PDE1C: variants seen among roughly 807,000 people sequenced by gnomAD.
PDE1C encodes phosphodiesterase 1C.
PDE1C carries 62 observed loss-of-function variants against 93.1 expected under a neutral mutation model. The ratio of observed to expected loss-of-function variants is 0.67; its 90% CI spans 0.54 to 0.82. PDE1C has a LOEUF of 0.82. Among genes scored for constraint, PDE1C ranks in the 40% least tolerant of loss-of-function variants. The probability of loss-of-function intolerance (pLI) is 0.00; values close to 1 mark genes in which losing one functional copy is unlikely to be tolerated. For synonymous variants in PDE1C, 325 were observed against 310.1 expected (o/e 1.05, Z -0.50); for missense variants, 742 against 884.6 (o/e 0.84, Z 2.04).
At chr7:31,706,727 C>T in the PDE1C span, among the ~76,000 whole-genome samples, 5 of 152,196 alleles carry the variant, frequency 3.3e-5, no homozygotes, top group Admixed American at 6.5e-5. Flanking sequence ...GAAAAGCCGA[C>T]ATTTACTTGC....
At chr7:31,974,991 T>A (rs1180951284) in intron 2 of PDE1C, among the ~76,000 whole-genome samples, 1 of 152,212 alleles carries the variant, frequency 6.6e-6, no homozygotes, top group Non-Finnish European at 1.5e-5. Context: ...ACAAAATCCT[T>A]TATGATACAG....
chr7:32,373,673 C>T (rs1784370456), intron 1 of PDE1C, among the ~76,000 whole-genome samples: 1 of 152,130 alleles, frequency 6.6e-6, no homozygotes, highest in African/African-American at 2.4e-5. Context: ...CCATAAAATT[C>T]TTTGACATTC....
At chr7:32,360,395 T>C (rs1784114672) in intron 1 of PDE1C, among the ~76,000 whole-genome samples, 1 of 152,238 alleles carries the variant, frequency 6.6e-6, no homozygotes, top group Non-Finnish European at 1.5e-5. Context: ...AAAACACAAG[T>C]GAGGGCAGTA....
chr7:32,320,436 C>G (rs1283178389), intron 1 of PDE1C, among the ~76,000 whole-genome samples: 1 of 152,074 alleles, frequency 6.6e-6, no homozygotes. Context: ...ATGGGGTGAT[C>G]TGTGCGGCAA....
At chr7:32,007,375 A>T (rs906813197) in intron 2 of PDE1C, among the ~76,000 whole-genome samples, 2 of 152,206 alleles carry the variant, frequency 1.3e-5, no homozygotes, top group African/African-American at 2.4e-5. Context: ...GCAAAGCTTC[A>T]GCCCACTGAC....
At chr7:31,632,949 C>T in the PDE1C span, among the ~76,000 whole-genome samples, 8 of 151,862 alleles carry the variant, frequency 5.3e-5, no homozygotes, top group African/African-American at 1.7e-4. Context: ...TGCTGTGGCG[C>T]GATCTTGGCT....
chr7:32,425,719 A>G (rs1319879395), intron 1 of PDE1C, among the ~76,000 whole-genome samples: 1 of 152,190 alleles, frequency 6.6e-6, no homozygotes, highest in East Asian at 1.9e-4. Flanking sequence ...ACATGGGTGG[A>G]TTGCTTGAGC....
chr7:32,416,762 G>T (rs950743389), intron 1 of PDE1C, among the ~76,000 whole-genome samples: 33 of 151,990 alleles, frequency 2.2e-4, no homozygotes, highest in African/African-American at 8.0e-4. Flanking sequence ...CACATCCTTT[G>T]GAAAAAGTGA....
chr7:31,651,033 C>T, the PDE1C span: 3 of 1,226,218 alleles, frequency 2.4e-6, no homozygotes, highest in African/African-American at 3.1e-5. Context: ...AGCAGTAGGG[C>T]CTGTTTGCGA....
intron 2 of PDE1C, among the ~76,000 whole-genome samples, chr7:31,907,312 A>G (rs1800723995): frequency 6.6e-6 from 1 of 152,198 alleles, no homozygotes; most frequent in Non-Finnish European, 1.5e-5. Flanking sequence ...ATCAACTCTG[A>G]GTTATAACTC....
At chr7:32,155,370 G>C (rs1261671664) in intron 3 of PDE1C, among the ~76,000 whole-genome samples, 1 of 152,316 alleles carries the variant, frequency 6.6e-6, no homozygotes, top group Non-Finnish European at 1.5e-5. Flanking sequence ...TTAACACATA[G>C]AGCTTGTAGA....
At chr7:31,989,545 T>C (rs17160746) in intron 2 of PDE1C, among the ~76,000 whole-genome samples, 1 of 152,156 alleles carries the variant, frequency 6.6e-6, no homozygotes, top group African/African-American at 2.4e-5. Flanking sequence ...TGCACAACAA[T>C]GAGGTTTTTG....
the PDE1C span, among the ~76,000 whole-genome samples, chr7:31,623,138 G>A: frequency 1.3e-5 from 2 of 152,098 alleles, no homozygotes; most frequent in African/African-American, 4.8e-5. Context: ...AAAGAGTCCA[G>A]GACCAGATGG....
chr7:32,310,013 G>C (rs1399327733), intron 1 of PDE1C, among the ~76,000 whole-genome samples: 1 of 152,162 alleles, frequency 6.6e-6, no homozygotes, highest in Non-Finnish European at 1.5e-5. Flanking sequence ...CCCATGTCAT[G>C]TGCAGAGACA....
Position 31,837,935 on chromosome 7 carries a change from G to A in PDE1C, c.1017C>T (p.Ala339=). ...FRTLVIEMVM[A]TDMSCHFQQI... ...GTTGGAAGTGACAAGACATATCTGTGGCCATCACCATTTCAATTACCAAGG... is the reference window on the plus strand; with the variant it reads ...GTTGGAAGTGACAAGACATATCTGTAGCCATCACCATTTCAATTACCAAGG... Residue 339 remains alanine (A), a synonymous_variant, in exon 10 of 18, where the codon GCC becomes GCT. Transcript: ENST00000396191. 2 of 1,613,506 alleles carry A rather than the reference G, an allele frequency of 1.2e-6. No individual in the cohort carries two copies. Among genetic ancestry groups the A allele is most frequent in the Non-Finnish European group, 1.7e-6 (2 of 1,179,500 alleles).
At chr7:32,279,968 A>G (rs749562971) in intron 1 of PDE1C, among the ~76,000 whole-genome samples, 27 of 152,190 alleles carry the variant, frequency 1.8e-4, no homozygotes, top group Non-Finnish European at 2.2e-4. Flanking sequence ...TGTAAGTGGG[A>G]AAAAAATGTA....
the PDE1C span, among the ~76,000 whole-genome samples, chr7:31,739,757 C>G: frequency 6.6e-6 from 1 of 152,026 alleles, no homozygotes; most frequent in South Asian, 2.1e-4. Flanking sequence ...GTCAGTGTTG[C>G]CCTCTCCCCC....
intron 2 of PDE1C, among the ~76,000 whole-genome samples, chr7:31,960,605 A>T (rs1808807533): frequency 6.6e-6 from 1 of 152,198 alleles, no homozygotes. Context: ...GTAAGAGAGT[A>T]CTGCTTATCT....
intron 3 of PDE1C, among the ~76,000 whole-genome samples, chr7:32,112,842 G>GTATATATATATATA (rs1162721455): frequency 2.0e-5 from 1 of 50,668 alleles, no homozygotes; most frequent in African/African-American, 9.5e-5. Flanking sequence ...GTGTGTGTGT[G>GTATATATATATATA]TGTGTATATA....
Sources: gnomAD v4.1 joint callset for allele counts (sites outside exome capture counted in the v4.1 genomes callset) on GRCh38, gnomAD v4.1.1 for gene constraint, MANE v1.5 for transcripts, NCBI Gene and HGNC (gene_info 2026-07-23, HGNC 2026-07-21) for gene names.